VCF2: variants seen among roughly 807,000 people sequenced by gnomAD.
VCF2 encodes VCP nuclear cofactor family member 2.
chrX:55,160,772 T>G, the VCF2 span: 1 of 1,104,185 alleles, frequency 9.1e-7, no homozygotes, highest in Non-Finnish European at 1.2e-6. Flanking sequence ...AATGCCAATT[T>G]GAAAAACAGA....
chrX:55,155,992 A>G, the VCF2 span, among the ~76,000 whole-genome samples: 2 of 91,472 alleles, frequency 2.2e-5, no homozygotes, highest in Non-Finnish European at 4.1e-5. Flanking sequence ...CACCCAGGCT[A>G]GAGTGCTAGA....
the VCF2 span, among the ~76,000 whole-genome samples, chrX:55,153,155 C>T: frequency 3.6e-5 from 4 of 111,423 alleles, no homozygotes. Flanking sequence ...AGCTATACCC[C>T]GACCACCTTG....
At chrX:55,145,215 G>GT in the VCF2 span, 1 of 568,771 alleles carries the variant, frequency 1.8e-6, no homozygotes, top group African/African-American at 2.5e-5. Flanking sequence ...TTAAACATCA[G>GT]TTTAGTAGCT....
the VCF2 span, among the ~76,000 whole-genome samples, chrX:55,151,000 A>G: frequency 2.7e-5 from 3 of 112,632 alleles, no homozygotes; most frequent in Non-Finnish European, 5.6e-5. Flanking sequence ...TTCTGAGTCC[A>G]GAAAACCATT....
chrX:55,159,616 G>C, the VCF2 span, among the ~76,000 whole-genome samples: 1 of 112,172 alleles, frequency 8.9e-6, no homozygotes, highest in Admixed American at 9.4e-5. Flanking sequence ...AAGATCGTAA[G>C]ACATGTGTGT....
chrX:55,155,603 T>A, the VCF2 span, among the ~76,000 whole-genome samples: 1 of 110,787 alleles, frequency 9.0e-6, no homozygotes, highest in African/African-American at 3.3e-5. Flanking sequence ...AGCAAAGGAA[T>A]AGGGAGGGGA....
the VCF2 span, chrX:55,159,168 A>T: frequency 1.7e-6 from 2 of 1,209,221 alleles, no homozygotes; most frequent in Non-Finnish European, 2.2e-6. Context: ...GGTTTCTCTT[A>T]TTCCTTTTGG....
chrX:55,149,360 T>C, the VCF2 span, among the ~76,000 whole-genome samples: 1 of 111,498 alleles, frequency 9.0e-6, no homozygotes, highest in Non-Finnish European at 1.9e-5. Context: ...CCTTGTGCCT[T>C]TAAGTTACAG....
the VCF2 span, chrX:55,160,976 T>G: frequency 8.6e-7 from 1 of 1,165,562 alleles, no homozygotes; most frequent in Non-Finnish European, 1.1e-6. Context: ...CACTGTCACC[T>G]GCAGGTCATG....
chrX:55,160,514 A>C, the VCF2 span, among the ~76,000 whole-genome samples: 1 of 112,623 alleles, frequency 8.9e-6, no homozygotes, highest in Non-Finnish European at 1.9e-5. Flanking sequence ...AAAACATCTA[A>C]GGAAATTTAT....
chrX:55,144,951 C>CG, the VCF2 span, among the ~76,000 whole-genome samples: 1 of 112,825 alleles, frequency 8.9e-6, no homozygotes, highest in Non-Finnish European at 1.9e-5. Flanking sequence ...CACAGCTCAC[C>CG]ACTGAGGAAG....
At chrX:55,152,137 C>T in the VCF2 span, among the ~76,000 whole-genome samples, 10 of 110,000 alleles carry the variant, frequency 9.1e-5, no homozygotes, top group African/African-American at 2.6e-4. Flanking sequence ...GTGATCCGCC[C>T]GCCTCGGCCT....
At chrX:55,159,116 C>T in the VCF2 span, 1 of 1,170,971 alleles carries the variant, frequency 8.5e-7, no homozygotes, top group East Asian at 3.0e-5. Flanking sequence ...GGCAATCTGA[C>T]CATACTTGCT....
the VCF2 span, among the ~76,000 whole-genome samples, chrX:55,151,544 C>A: frequency 1.1e-5 from 1 of 87,880 alleles, no homozygotes; most frequent in African/African-American, 3.8e-5. Context: ...AGAGCGTGCA[C>A]GGCAAATAGT....
chrX:55,157,667 A>C, the VCF2 span, among the ~76,000 whole-genome samples: 2 of 110,940 alleles, frequency 1.8e-5, no homozygotes, highest in Non-Finnish European at 3.8e-5. Context: ...GGGGCCTCCT[A>C]GTTCTGTTTT....
the VCF2 span, among the ~76,000 whole-genome samples, chrX:55,149,060 A>G: frequency 7.2e-5 from 8 of 111,512 alleles, no homozygotes; most frequent in Non-Finnish European, 1.3e-4. Context: ...TTCATTTATT[A>G]CCCAGGAAAC....
chrX:55,158,127 AAT>A, the VCF2 span, among the ~76,000 whole-genome samples: 1 of 112,359 alleles, frequency 8.9e-6, no homozygotes, highest in Non-Finnish European at 1.9e-5. Context: ...AATCTTGGAT[AAT>A]CATACCTGTG....
chrX:55,148,454 C>T, the VCF2 span, among the ~76,000 whole-genome samples: 4 of 109,953 alleles, frequency 3.6e-5, no homozygotes, highest in African/African-American at 1.3e-4. Context: ...ATGTCTCTTT[C>T]TTTACATACT....
chrX:55,144,293 A>C, the VCF2 span, among the ~76,000 whole-genome samples: 1 of 111,285 alleles, frequency 9.0e-6, no homozygotes, highest in Non-Finnish European at 1.9e-5. Context: ...TTTAGTACTT[A>C]GTTGCTCACT....
Sources: gnomAD v4.1 joint callset for allele counts (sites outside exome capture counted in the v4.1 genomes callset) on GRCh38, gnomAD v4.1.1 for gene constraint, MANE v1.5 for transcripts, NCBI Gene and HGNC (gene_info 2026-07-23, HGNC 2026-07-21) for gene names.